ROGDI: variants seen among roughly 807,000 people sequenced by gnomAD.
ROGDI encodes the protein protein rogdi homolog.
In ROGDI, 46 loss-of-function variants were observed where a neutral mutation model predicts 43.1. The ratio of observed to expected loss-of-function variants is 1.07; its 90% CI spans 0.84 to 1.37. The LOEUF (loss-of-function observed/expected upper bound fraction) is 1.37. Among genes scored for constraint, ROGDI ranks in the 40% most tolerant of loss-of-function variants. The pLI is 0.00. For synonymous variants in ROGDI, 243 were observed against 162.0 expected (o/e 1.50, Z -3.80); for missense variants, 518 against 383.9 (o/e 1.35, Z -2.92).
rs1555491894 is a variant in ROGDI at position 4,802,386 on chromosome 16, A to C, written c.113T>G (p.Leu38Arg). Residue 38 changes from leucine (L) to arginine (R), a missense_variant, in exon 2 of 11, where the codon CTC (leucine) becomes CGC (arginine). Leu to Arg is a moderately radical substitution (Grantham distance 102). Transcript: ENST00000322048. ...HAVLKQLQDI[L>R]KEASLRFTLP... The stretch of plus-strand genomic sequence containing the variant: ...GGGCAGGGCGCGGGTCGTTACCTTG[A>C]GGATGTCCTGCAGCTGCTTCAACAC... 3 of 1,570,724 alleles carry C rather than the reference A, an allele frequency of 1.9e-6. No individual in the cohort carries two copies. Among genetic ancestry groups the C allele is most frequent in the Non-Finnish European group, 8.6e-7 (1 of 1,162,494 alleles).
intron 2 of ROGDI, 44 bp downstream of exon 2, chr16:4,802,338 A>G: frequency 6.7e-7 from 1 of 1,499,010 alleles, no homozygotes; most frequent in Non-Finnish European, 9.0e-7. Flanking sequence ...GGAAATGAGG[A>G]GGGAGGGCCG....
chr16:4,801,923 T>A, intron 2 of ROGDI: 1 of 565,602 alleles, frequency 1.8e-6, no homozygotes, highest in Non-Finnish European at 3.3e-6. Context: ...CCCGCGGTCC[T>A]GGGCCACAGC....
At chr16:4,797,863 T>C (rs2082671591) in intron 9 of ROGDI, 23 bp from the exon 10 acceptor site, 1 of 1,609,380 alleles carries the variant, frequency 6.2e-7, no homozygotes, top group African/African-American at 1.3e-5. Flanking sequence ...AGAGGGTCCC[T>C]GAGGAGGGTC....
At chr16:4,802,008 T>C (rs947883749) in intron 2 of ROGDI, 1 of 577,510 alleles carries the variant, frequency 1.7e-6, no homozygotes, top group Admixed American at 2.2e-5. Flanking sequence ...GCGGGTACTG[T>C]TATCTCCCTT....
In ROGDI at chr16:4,802,498, CGGCCCGCCCGCT is replaced by C; in HGVS notation, c.45+17_45+28del. The C allele has an allele frequency of 8.3e-7, 1 of 1,209,474 alleles. No homozygotes were observed. The highest frequency in any genetic ancestry group is 1.0e-6 in the Non-Finnish European group (1 of 976,466). The allele number at this position is 1,209,474 out of a possible 1,614,324, so 74.9% of individuals were successfully genotyped here. ...GTCGCGCCCGGCCCCGCCGCCCCGCCGGCCCGCCCGCTGGCCCGCGCGCCTTACCAGCACCGC... is the reference window on the plus strand; with the variant it reads ...GTCGCGCCCGGCCCCGCCGCCCCGCCGGCCCGCGCGCCTTACCAGCACCGC... On this transcript the variant is annotated intron_variant, in intron 1 of 10. Transcript: ENST00000322048.
chr16:4,797,584 T>C, intron 10 of ROGDI, 83 bp from the exon 11 acceptor site: 1 of 586,224 alleles, frequency 1.7e-6, no homozygotes, highest in Non-Finnish European at 2.3e-6. Context: ...AAGGACAATA[T>C]GTCAGGACAG....
intron 2 of ROGDI, 63 bp downstream of exon 2, chr16:4,802,319 T>G: frequency 3.5e-6 from 5 of 1,408,746 alleles, no homozygotes; most frequent in Non-Finnish European, 4.8e-6. Flanking sequence ...CGGCCCCAGG[T>G]GGAGCCAGGG....
Position 4,798,279 on chromosome 16 carries a change from C to T in ROGDI, c.532-95G>A, listed in dbSNP as rs1312672400. ...GTCACTCATGGAGTCTGCAGGGGATCCCAGTCCCCACCCCAGAGATGCTCT... is the reference window on the plus strand; with the variant it reads ...GTCACTCATGGAGTCTGCAGGGGATTCCAGTCCCCACCCCAGAGATGCTCT... On this transcript the variant is annotated intron_variant, in intron 7 of 10. Transcript: ENST00000322048. 9.8e-6 allele frequency: 10 copies of T among 1,021,102 alleles called. No individual in the cohort carries two copies. In the East Asian group the frequency reaches 2.6e-4, roughly 26 times the overall value. The allele number at this position is 1,021,102 out of a possible 1,614,324, so 63.3% of individuals were successfully genotyped here.
rs528809449 is a variant in ROGDI, at chr16:4,802,307, C to G, written c.117+75G>C. ...ACTGTAGGCGCTCAGGACGCAGCCG[C>G]GCGGCCCCAGGTGGAGCCAGGGAAA... On this transcript the variant is annotated intron_variant, in intron 2 of 10. Transcript: ENST00000322048. The G allele has an allele frequency of 1.4e-4, 188 of 1,341,442 alleles. No homozygotes were observed. The African/African-American group carries it at 2.4e-3, about 17-fold the overall frequency. The allele number at this position is 1,341,442 out of a possible 1,614,324, so 83.1% of individuals were successfully genotyped here.
Position 4,797,329 on chromosome 16 carries a change from G to GT in ROGDI, c.*130dup. ...AGTGTCCATTCCCGGCAGTGCAAAT[G>GT]TGTTAGGTGGGGTAGGGGGTGGGAT... is the stretch of plus-strand genomic sequence containing the variant. On this transcript the variant is annotated 3_prime_UTR_variant, in exon 11 of 11. Coordinates refer to ENST00000322048, the MANE Select transcript of ROGDI (RefSeq NM_024589.3). 2 of 777,430 alleles carry GT rather than the reference G, an allele frequency of 2.6e-6. No individual in the cohort carries two copies. Among genetic ancestry groups the GT allele is most frequent in the Non-Finnish European group, 4.1e-6 (2 of 482,612 alleles). 48.2% of individuals were successfully genotyped at this position (777,430 alleles called of 1,614,324 possible).
At chr16:4,797,531 T>C (rs1253039634) in intron 10 of ROGDI, 30 bp from the exon 11 acceptor site, 1 of 1,607,172 alleles carries the variant, frequency 6.2e-7, no homozygotes, top group East Asian at 2.2e-5. Context: ...TGTAGGTTGC[T>C]GAAGGGGGAT....
chr16:4,801,926 GC>G (rs1567605031), intron 2 of ROGDI: 1 of 566,992 alleles, frequency 1.8e-6, no homozygotes, highest in Admixed American at 2.4e-5. Flanking sequence ...GCGGTCCTGG[GC>G]CACAGCAAGC....
rs1365562310 is a variant in ROGDI, at chr16:4,799,677, G to A, written c.432+9C>T. ...CTAGGCCCAGGAGTCAGGCCCGGGG[G>A]CAGCTCACCTTGAGGACCTCAGCGC... On this transcript the variant is annotated intron_variant, in intron 6 of 10. Coordinates refer to ENST00000322048, the MANE Select transcript of ROGDI (RefSeq NM_024589.3). 2 of 1,607,854 alleles carry A rather than the reference G, an allele frequency of 1.2e-6. No homozygotes were observed. Among genetic ancestry groups the A allele is most frequent in the Non-Finnish European group, 8.5e-7 (1 of 1,175,616 alleles).
chr16:4,800,683 G>C (rs2082704391), intron 4 of ROGDI, 105 bp from the exon 5 acceptor site: 1 of 928,768 alleles, frequency 1.1e-6, no homozygotes, highest in African/African-American at 1.6e-5. Context: ...TGGTGGTTCA[G>C]GCCTTGGCCG....
At chr16:4,800,669 T>C (rs1334226022) in intron 4 of ROGDI, 91 bp from the exon 5 acceptor site, 1 of 1,083,902 alleles carries the variant, frequency 9.2e-7, no homozygotes, top group South Asian at 1.4e-5. Context: ...AGAAATGGGG[T>C]GTGTGGTGGT....
At chr16:4,797,595 G>A in intron 10 of ROGDI, 94 bp from the exon 11 acceptor site, 7 of 521,210 alleles carry the variant, frequency 1.3e-5, no homozygotes, top group South Asian at 1.0e-4. Flanking sequence ...GTCAGGACAG[G>A]GCATTGCTGC....
rs377687764 is a variant in ROGDI at position 4,799,669 on chromosome 16, G to A, written c.432+17C>T. ...ACGTGGGACTAGGCCCAGGAGTCAG[G>A]CCCGGGGGCAGCTCACCTTGAGGAC... On this transcript the variant is annotated intron_variant, in intron 6 of 10. Transcript: ENST00000322048. 6.9e-6 allele frequency: 11 copies of A among 1,596,224 alleles called. No individual in the cohort carries two copies. The highest frequency in any genetic ancestry group is 4.0e-5 in the African/African-American group (3 of 74,476).
At position 4,797,495 on chromosome 16, in the gene ROGDI, C is replaced by T. The variant is rs759234056; in HGVS notation, c.829G>A (p.Val277Met). The change falls in exon 11 of 11, where the codon GTG becomes ATG. Residue 277 changes from valine (V) to methionine (M), a missense_variant. Physicochemically the swap from Val to Met is conservative, Grantham distance 21 (BLOSUM62 1). Transcript: ENST00000322048. ...LCQQLKDKIS[V>M]FSSYWSYRPF ...CTGTAGCTCCAGTAGCTGGAGAACA[C>T]GGAGATCTGCAAGGGGAGAGGGTGC... The T allele has an allele frequency of 1.3e-5, 21 of 1,613,084 alleles. No homozygotes were observed. Among genetic ancestry groups the T allele is most frequent in the Non-Finnish European group, 1.7e-5 (20 of 1,179,540 alleles).
Position 4,799,670 on chromosome 16 carries a change from C to A in ROGDI, c.432+16G>T. ...CGTGGGACTAGGCCCAGGAGTCAGG[C>A]CCGGGGGCAGCTCACCTTGAGGACC... On this transcript the variant is annotated intron_variant, in intron 6 of 10. Coordinates refer to ENST00000322048, the MANE Select transcript of ROGDI (RefSeq NM_024589.3). 6.2e-7 allele frequency: 1 copy of A among 1,601,826 alleles called. No individual in the cohort carries two copies. Among genetic ancestry groups the A allele is most frequent in the Non-Finnish European group, 8.5e-7 (1 of 1,170,808 alleles).
Sources: gnomAD v4.1 joint callset for allele counts on GRCh38, gnomAD v4.1.1 for gene constraint, MANE v1.5 for transcripts, NCBI Gene and HGNC (gene_info 2026-07-23, HGNC 2026-07-21) for gene names.